TAF6: variants seen among roughly 807,000 people sequenced by gnomAD.
The protein encoded by TAF6 is TATA-box binding protein associated factor 6.
A neutral mutation model predicts 73.5 loss-of-function variants in TAF6; 50 were observed. That is an observed-to-expected ratio of 0.68 (90% CI 0.54 to 0.86). The LOEUF (loss-of-function observed/expected upper bound fraction) is 0.86, where lower values mean the gene tolerates loss of function less well. Among genes scored for constraint, TAF6 ranks in the 40% least tolerant of loss-of-function variants. TAF6 has a pLI of 0.00. For missense variants in TAF6, 768 were observed against 899.5 expected (o/e 0.85, Z 1.87); for synonymous variants, 424 against 376.7 (o/e 1.13, Z -1.45).
At position 100,109,950 on chromosome 7, in the gene TAF6, G is replaced by C. The variant is rs1212760965; in HGVS notation, c.1282C>G (p.Leu428Val). 1 of 1,614,124 alleles carries C rather than the reference G, an allele frequency of 6.2e-7. No individual in the cohort carries two copies. The highest frequency in any genetic ancestry group is 2.2e-5 in the East Asian group (1 of 44,884). Residue 428 changes from leucine (L) to valine (V), a missense_variant and splice_region_variant, in exon 12 of 15, where the codon CTG becomes GTG. By Grantham distance (32) the Leu-to-Val change is conservative (BLOSUM62 1). This residue lies in a region of TAF6 where 350 missense variants were observed against 352.3 expected (regional missense o/e 0.99). Transcript: ENST00000453269. ...GTGGGGACAGGGGCTTCAGTCACCA[G>C]CAGGAGGCTCTGCACATGGTCTGCT... The part of the protein sequence containing the change: ...IGADHVQSLL[L>V]KHCAPVLAKL...
intron 12 of TAF6, among the ~76,000 whole-genome samples, chr7:100,109,446 T>C (rs1046043916): frequency 6.6e-6 from 1 of 151,738 alleles, no homozygotes; most frequent in African/African-American, 2.4e-5. Flanking sequence ...GACCACAGAG[T>C]AACAGGAGCA....
the TAF6 span, chr7:100,125,107 A>G: frequency 9.4e-6 from 5 of 531,396 alleles, no homozygotes; most frequent in African/African-American, 7.6e-5. Flanking sequence ...CTAGAGATGA[A>G]CTCTATCCAG....
chr7:100,118,835 TTTTA>T (rs756019528), intron 1 of TAF6: 6 of 985,220 alleles, frequency 6.1e-6, no homozygotes, highest in Non-Finnish European at 7.2e-6. Context: ...CCTCCCCGAC[TTTTA>T]TAAGTCTTAT....
chr7:100,123,711 G>A (rs60262427), upstream of TAF6, among the ~76,000 whole-genome samples: 35 of 152,154 alleles, frequency 2.3e-4, no homozygotes, highest in African/African-American at 7.7e-4. Flanking sequence ...TAGTAGAGAC[G>A]GGGTTTCATC....
At position 100,107,341 on chromosome 7, in the gene TAF6, TC is replaced by T; in HGVS notation, c.1938del (p.Lys647SerfsTer58). 6.5e-7 allele frequency: 1 copy of T among 1,547,720 alleles called. No individual in the cohort carries two copies. The highest frequency in any genetic ancestry group is 8.7e-7 in the Non-Finnish European group (1 of 1,146,174). ...SPLSGSALCG[G>X]KQEAGDSPPP... ...GGGGGACTGTCCCCAGCCTCCTGCTTCCCCCCACAAAGGGCACTGCCGCTGA... is the reference window on the plus strand; with the variant it reads ...GGGGGACTGTCCCCAGCCTCCTGCTTCCCCCACAAAGGGCACTGCCGCTGA... On this transcript the variant is annotated frameshift_variant, in exon 15 of 15. Coordinates refer to ENST00000453269, the MANE Select transcript of TAF6 (RefSeq NM_139315.3). LOFTEE classifies it high-confidence loss of function.
intron 14 of TAF6, 77 bp downstream of exon 14, chr7:100,107,849 C>T: frequency 6.6e-7 from 1 of 1,516,056 alleles, no homozygotes; most frequent in Non-Finnish European, 8.9e-7. Flanking sequence ...GGACTGTGCT[C>T]TACTCCTGGG....
At chr7:100,124,124 G>A (rs1270560579), upstream of TAF6, among the ~76,000 whole-genome samples, 1 of 150,240 alleles carries the variant, frequency 6.7e-6, no homozygotes, top group Admixed American at 6.6e-5. Context: ...GTGACAGAGC[G>A]AGACTCCATC....
upstream of TAF6, chr7:100,122,735 G>C: frequency 6.3e-7 from 1 of 1,585,152 alleles, no homozygotes; most frequent in Non-Finnish European, 8.6e-7. Flanking sequence ...AAGGGGAAGG[G>C]AGGGGTGGGG....
upstream of TAF6, chr7:100,119,873 G>T (rs764201928): frequency 1.2e-6 from 2 of 1,607,078 alleles, no homozygotes; most frequent in Non-Finnish European, 1.7e-6. Context: ...GTATTTGAAG[G>T]GGGTAGCCCC....
Position 100,114,176 on chromosome 7 carries a change from T to A in TAF6, c.34A>T (p.Thr12Ser). 1.9e-6 allele frequency: 3 copies of A among 1,614,228 alleles called. No individual in the cohort carries two copies. Among genetic ancestry groups the A allele is most frequent in the African/African-American group, 1.3e-5 (1 of 75,070 alleles). ...TTCATGGACTCCGAGGGCAGCACAG[T>A]GTTGCTAAGCTTCAGCTTCTTCTCC... ...AEEKKLKLSN[T>S]VLPSESMKVV... The change falls in exon 2 of 15, where the codon ACT becomes TCT. Residue 12 changes from threonine to serine, a missense_variant. This residue lies in a region of TAF6 where 269 missense variants were observed against 268.0 expected (regional missense o/e 1.00). Coordinates refer to ENST00000453269, the MANE Select transcript of TAF6 (RefSeq NM_139315.3).
At chr7:100,125,886 A>C in the TAF6 span, among the ~76,000 whole-genome samples, 619 of 152,332 alleles carry the variant, frequency 4.1e-3, 7 homozygotes, top group African/African-American at 0.014. Context: ...TCTACCAAAA[A>C]TACAAAAATT....
At chr7:100,109,881 T>C (rs902692817) in intron 12 of TAF6, 67 bp downstream of exon 12, 5 of 1,587,656 alleles carry the variant, frequency 3.1e-6, no homozygotes, top group Non-Finnish European at 2.6e-6. Context: ...GAATAAAATA[T>C]GCCATATGCT....
chr7:100,111,432 A>G, intron 9 of TAF6, 111 bp from the exon 10 acceptor site: 2 of 1,290,316 alleles, frequency 1.6e-6, no homozygotes, highest in Admixed American at 4.6e-5. Context: ...GGCTAACTGC[A>G]GCATCAATCT....
At chr7:100,116,921 G>C (rs1797718139) in intron 1 of TAF6, among the ~76,000 whole-genome samples, 1 of 152,094 alleles carries the variant, frequency 6.6e-6, no homozygotes, top group Admixed American at 6.6e-5. Context: ...CCCTCAGAGT[G>C]GGGGCAGCCC....
chr7:100,113,252 C>T, intron 5 of TAF6, 97 bp downstream of exon 5: 1 of 1,203,558 alleles, frequency 8.3e-7, no homozygotes, highest in Admixed American at 2.6e-5. Context: ...TCCTGCACTC[C>T]AGCACAGGCA....
At chr7:100,119,897 C>T (rs1797978254), upstream of TAF6, 2 of 1,547,420 alleles carry the variant, frequency 1.3e-6, no homozygotes, top group East Asian at 2.3e-5. Flanking sequence ...AGGCATCGCC[C>T]GGCCACACCT....
chr7:100,122,676 T>A, upstream of TAF6: 3 of 1,518,954 alleles, frequency 2.0e-6, no homozygotes, highest in Non-Finnish European at 2.7e-6. Flanking sequence ...CTCACCATCA[T>A]GGAACTCACC....
At chr7:100,119,410 C>T (rs757624191), upstream of TAF6, 8 of 1,170,060 alleles carry the variant, frequency 6.8e-6, no homozygotes, top group Non-Finnish European at 6.4e-6. Context: ...CTGCCCCTTC[C>T]CCGTACCAGA....
upstream of TAF6, chr7:100,119,735 G>A: frequency 1.2e-6 from 2 of 1,614,166 alleles, no homozygotes; most frequent in East Asian, 2.2e-5. Context: ...TTTGTAGACG[G>A]CGCTTTGTCA....
Sources: allele counts gnomAD v4.1 joint callset (sites outside exome capture counted in the v4.1 genomes callset), GRCh38; gene constraint gnomAD v4.1.1; regional missense constraint gnomAD v4.1.1; transcripts MANE v1.5; gene names NCBI Gene and HGNC (gene_info 2026-07-23, HGNC 2026-07-21).